Variants in CYLD observed in about 807,000 individuals in gnomAD.
CYLD encodes the protein CYLD lysine 63 deubiquitinase.
CYLD carries 26 observed loss-of-function variants against 104.5 expected under a neutral mutation model. The observed-to-expected ratio is 0.25, with a 90% CI of 0.18 to 0.35. CYLD has a LOEUF of 0.35. Among genes scored for constraint, CYLD ranks in the 10% least tolerant of loss-of-function variants. The pLI is 1.00. For missense variants in CYLD, 703 were observed against 1,136.1 expected (o/e 0.62, Z 5.48); for synonymous variants, 385 against 399.9 (o/e 0.96, Z 0.45).
At chr16:50,795,584 G>A in intron 18 of CYLD, 2 of 702,964 alleles carry the variant, frequency 2.8e-6, no homozygotes, top group Non-Finnish European at 5.2e-6. Flanking sequence ...GCCTTCTGGT[G>A]TGGCCCTCCA....
intron 16 of CYLD, 134 bp from the exon 17 acceptor site, chr16:50,793,412 G>GT: frequency 1.3e-6 from 1 of 768,870 alleles, no homozygotes; most frequent in Non-Finnish European, 2.4e-6. Flanking sequence ...TTAAGCAGAT[G>GT]GAAGAGAAAG....
intron 5 of CYLD, among the ~76,000 whole-genome samples, chr16:50,769,408 G>A (rs1007419100): frequency 6.6e-6 from 1 of 152,102 alleles, no homozygotes; most frequent in Non-Finnish European, 1.5e-5. Context: ...TTTACTCTGC[G>A]CTTCATTGGT....
At chr16:50,772,669 G>C (rs1969277793) in intron 5 of CYLD, among the ~76,000 whole-genome samples, 1 of 152,172 alleles carries the variant, frequency 6.6e-6, no homozygotes, top group Non-Finnish European at 1.5e-5. Context: ...CTTTGTATCT[G>C]TGTATCAGTT....
intron 5 of CYLD, among the ~76,000 whole-genome samples, chr16:50,754,926 T>C (rs377063842): frequency 1.2e-4 from 18 of 148,172 alleles, no homozygotes; most frequent in Middle Eastern, 3.6e-3. Context: ...TATACATATA[T>C]ACACACATAT....
intron 6 of CYLD, 27 bp downstream of exon 6, chr16:50,775,201 C>T: frequency 1.3e-6 from 2 of 1,586,492 alleles, no homozygotes; most frequent in Middle Eastern, 3.3e-4. Flanking sequence ...TCGTGTTGGA[C>T]TCCACGGATG....
chr16:50,752,671 C>T (rs1966726307), intron 4 of CYLD, among the ~76,000 whole-genome samples: 1 of 152,162 alleles, frequency 6.6e-6, no homozygotes, highest in Non-Finnish European at 1.5e-5. Context: ...ACAGTAACTG[C>T]CCACTTTCCC....
chr16:50,748,860 A>G (rs1015244446), intron 2 of CYLD, among the ~76,000 whole-genome samples: 1 of 152,198 alleles, frequency 6.6e-6, no homozygotes, highest in Non-Finnish European at 1.5e-5. Flanking sequence ...ATTTATAGGC[A>G]TGAGCCACAC....
At position 50,743,668 on chromosome 16, in the gene CYLD, T is replaced by C. The variant is rs80305998; in HGVS notation, c.-124+827T>C. 9.7e-3 allele frequency among the ~76,000 whole-genome samples: 1,480 copies of C among 152,326 alleles called. 27 individuals carry two copies. Among genetic ancestry groups the C allele is most frequent in the African/African-American group, 0.034 (1,409 of 41,564 alleles). On this transcript the variant is annotated intron_variant, in intron 2 of 18. Coordinates refer to ENST00000427738, the MANE Select transcript of CYLD (RefSeq NM_001378743.1). The stretch of plus-strand genomic sequence containing the variant: ...CAAACTATTAGTATTTTGTTCCTGA[T>C]TTTCACACTATGATTTAAATTAGTT...
chr16:50,793,410 A>C, intron 16 of CYLD, 136 bp from the exon 17 acceptor site: 1 of 767,328 alleles, frequency 1.3e-6, no homozygotes, highest in Non-Finnish European at 2.4e-6. Flanking sequence ...GCTTAAGCAG[A>C]TGGAAGAGAA....
Position 50,751,445 on chromosome 16 carries a change from A to G in CYLD, c.505-159A>G, listed in dbSNP as rs117148151. ...GATACAACTTCTTATTTTTTAAAACACTCTAAATCCAACAGAAACTGCTAA... is the reference window on the plus strand; with the variant it reads ...GATACAACTTCTTATTTTTTAAAACGCTCTAAATCCAACAGAAACTGCTAA... On this transcript the variant is annotated intron_variant, in intron 3 of 18. Coordinates refer to ENST00000427738, the MANE Select transcript of CYLD (RefSeq NM_001378743.1). Among the ~76,000 whole-genome samples, 522 of 152,258 alleles carry G rather than the reference A, an allele frequency of 3.4e-3. 3 individuals are homozygous for G. Among genetic ancestry groups the G allele is most frequent in the Non-Finnish European group, 3.9e-3 (265 of 68,020 alleles).
At chr16:50,777,665 T>A (rs889419163) in intron 7 of CYLD, among the ~76,000 whole-genome samples, 160 bp from the exon 8 acceptor site, 1 of 152,148 alleles carries the variant, frequency 6.6e-6, no homozygotes, top group Non-Finnish European at 1.5e-5. Context: ...ACCAAATTTT[T>A]AAAAGCTGAA....
intron 5 of CYLD, among the ~76,000 whole-genome samples, chr16:50,756,137 C>T (rs1269965653): frequency 6.6e-6 from 1 of 152,150 alleles, no homozygotes; most frequent in African/African-American, 2.4e-5. Context: ...CCTTTACCCT[C>T]AAATGAAAAT....
At chr16:50,767,221 G>T (rs1331341619) in intron 5 of CYLD, among the ~76,000 whole-genome samples, 1 of 152,184 alleles carries the variant, frequency 6.6e-6, no homozygotes, top group Non-Finnish European at 1.5e-5. Flanking sequence ...TGAAGGCTCA[G>T]ATAATCATTA....
chr16:50,787,847 A>G lies in CYLD; in HGVS notation c.2103A>G (p.Lys701=). Residue 701 remains lysine (K), a synonymous_variant, in exon 14 of 19, where the codon AAA becomes AAG. Coordinates refer to ENST00000427738, the MANE Select transcript of CYLD (RefSeq NM_001378743.1). The part of the protein sequence containing the change: ...HHILRVEPLL[K]IRSAGQKVQD... ...TTTTAAGGGTAGAACCTTTGCTAAAAATAAGGTAACCTTTAAATTGTTCTA... is the reference window on the plus strand; with the variant it reads ...TTTTAAGGGTAGAACCTTTGCTAAAGATAAGGTAACCTTTAAATTGTTCTA... 6.6e-7 allele frequency: 1 copy of G among 1,504,040 alleles called. No homozygotes were observed. Among genetic ancestry groups the G allele is most frequent in the Non-Finnish European group, 9.2e-7 (1 of 1,083,662 alleles). The allele number at this position is 1,504,040 out of a possible 1,614,324, so 93.2% of individuals were successfully genotyped here.
intron 7 of CYLD, among the ~76,000 whole-genome samples, chr16:50,777,066 G>A (rs1969761245): frequency 6.6e-6 from 1 of 152,094 alleles, no homozygotes; most frequent in African/African-American, 2.4e-5. Flanking sequence ...ACAGACTAAA[G>A]ATTTTCTTAA....
rs2150912269 is a variant in CYLD at position 50,754,360 on chromosome 16, G to A, written c.849G>A (p.Val283=). 6.2e-7 allele frequency: 1 copy of A among 1,613,554 alleles called. No homozygotes were observed. The highest frequency in any genetic ancestry group is 8.5e-7 in the Non-Finnish European group (1 of 1,179,650). Residue 283 remains valine, a synonymous_variant, in exon 5 of 19, where the codon GTG becomes GTA. Coordinates refer to ENST00000427738, the MANE Select transcript of CYLD (RefSeq NM_001378743.1). ...ACTGGGATGGAAGATTTGATGGAGT[G>A]CAGCTTTGTAGTTTTGCGTGTGTTG... ...IGNWDGRFDG[V]QLCSFACVES... is the part of the protein sequence containing the mutation.
At chr16:50,750,315 G>C (rs966906354) in intron 3 of CYLD, 113 bp downstream of exon 3, 10 of 1,251,260 alleles carry the variant, frequency 8.0e-6, no homozygotes, top group African/African-American at 1.5e-5. Context: ...TTTCCCAAGA[G>C]TCTTCTGTAA....
At chr16:50,789,031 GTTCTCTA>G (rs1233722205) in intron 14 of CYLD, among the ~76,000 whole-genome samples, 1 of 152,146 alleles carries the variant, frequency 6.6e-6, no homozygotes, top group Non-Finnish European at 1.5e-5. Context: ...TGGATTTAGA[GTTCTCTA>G]CAAAATGAAG....
intron 4 of CYLD, among the ~76,000 whole-genome samples, 196 bp downstream of exon 4, chr16:50,752,102 G>A (rs1966681555): frequency 6.6e-6 from 1 of 150,888 alleles, no homozygotes; most frequent in Admixed American, 6.6e-5. Context: ...GATCTAATTT[G>A]GAGTACTTTA....
Sources: gnomAD v4.1 joint callset for allele counts (sites outside exome capture counted in the v4.1 genomes callset) on GRCh38, gnomAD v4.1.1 for gene constraint, MANE v1.5 for transcripts, NCBI Gene and HGNC (gene_info 2026-07-23, HGNC 2026-07-21) for gene names.